The following ARSG variants were observed in gnomAD, a reference collection of about 807,000 sequenced individuals.
The protein encoded by ARSG is arylsulfatase G, also known as ASG.
A neutral mutation model predicts 50.5 loss-of-function variants in ARSG; 37 were observed. That is an observed-to-expected ratio of 0.73 (90% CI 0.56 to 0.96). The LOEUF (loss-of-function observed/expected upper bound fraction) is 0.96. ARSG is among the 50% of genes least tolerant of loss of function. The pLI, the probability that ARSG is intolerant of heterozygous loss-of-function variation, is 0.00. For missense variants in ARSG, 629 were observed against 675.3 expected, an observed-to-expected ratio of 0.93 and a Z score of 0.76; for synonymous variants, 225 against 254.6, an observed-to-expected ratio of 0.88 and a Z score of 1.11.
At chr17:68,438,884 G>A in the ARSG span, among the ~76,000 whole-genome samples, 1 of 152,360 alleles carries the variant, frequency 6.6e-6, no homozygotes, top group South Asian at 2.1e-4. Flanking sequence ...ACAGGCGTGA[G>A]CCATCGTGCC....
At chr17:68,346,711 G>A (rs1278471097) in intron 3 of ARSG, 12 of 1,229,994 alleles carry the variant, frequency 9.8e-6, no homozygotes, top group African/African-American at 3.1e-5. Flanking sequence ...GGCAGGAAGC[G>A]GGCATTTCTG....
At chr17:68,339,179 C>T (rs1362558250) in intron 2 of ARSG, among the ~76,000 whole-genome samples, 1 of 152,078 alleles carries the variant, frequency 6.6e-6, no homozygotes, top group African/African-American at 2.4e-5. Flanking sequence ...GTCCCAGCTA[C>T]AGCTCTCAGT....
chr17:68,349,369 C>T (rs1214374458), intron 4 of ARSG, among the ~76,000 whole-genome samples: 2 of 152,108 alleles, frequency 1.3e-5, no homozygotes, highest in East Asian at 1.9e-4. Context: ...GGTGTGTTTG[C>T]GCTACAATGG....
Position 68,399,391 on chromosome 17 carries a change from G to A in ARSG, c.1213-1969G>A, listed in dbSNP as rs749025698. Among the ~76,000 whole-genome samples, 2 of 152,102 alleles carry A rather than the reference G, an allele frequency of 1.3e-5. No individual in the cohort carries two copies. Among genetic ancestry groups the A allele is most frequent in the African/African-American group, 2.4e-5 (1 of 41,428 alleles). The stretch of plus-strand genomic sequence containing the variant: ...GGACTTAAGGTAAAGGAATGCTCTC[G>A]TGCTTAAAAAACAAAACAAGATAAA... On this transcript the variant is annotated intron_variant, in intron 10 of 11. Coordinates refer to ENST00000621439, the MANE Select transcript of ARSG (RefSeq NM_001267727.2). The surrounding 1 kb of genome is among the most constrained non-coding windows in gnomAD (Gnocchi z 4.6).
At chr17:68,372,831 C>G (rs1158524572) in intron 8 of ARSG, among the ~76,000 whole-genome samples, 3 of 149,118 alleles carry the variant, frequency 2.0e-5, no homozygotes, top group African/African-American at 7.4e-5. Flanking sequence ...TACCTAGAAA[C>G]TGAAGCATTG....
At chr17:68,303,956 A>T (rs2076514569) in intron 1 of ARSG, among the ~76,000 whole-genome samples, 1 of 152,236 alleles carries the variant, frequency 6.6e-6, no homozygotes, top group African/African-American at 2.4e-5. Flanking sequence ...CCATTCTATG[A>T]ACATTTTAAG....
downstream of ARSG, among the ~76,000 whole-genome samples, chr17:68,423,761 G>T (rs2082961633): frequency 6.6e-6 from 1 of 152,026 alleles, no homozygotes; most frequent in Admixed American, 6.6e-5. This position sits in a 1 kb window ranked among gnomAD's most constrained non-coding sequence, Gnocchi z 4.4. Context: ...TAAATGATCT[G>T]CACAAGGTAC....
At chr17:68,354,040 A>AC (rs397771600) in intron 5 of ARSG, among the ~76,000 whole-genome samples, 1 of 47,916 alleles carries the variant, frequency 2.1e-5, no homozygotes, top group Non-Finnish European at 4.8e-5. Context: ...TTTTTTTTTT[A>AC]TTTCAATCCT....
the ARSG span, chr17:68,428,199 A>G: frequency 3.4e-5 from 5 of 147,198 alleles, no homozygotes; most frequent in Non-Finnish European, 7.4e-5. Flanking sequence ...TGACTGGTAG[A>G]GCACTTTTCA....
chr17:68,428,545 T>C, the ARSG span: 1 of 273,578 alleles, frequency 3.7e-6, no homozygotes, highest in Non-Finnish European at 7.1e-6. Flanking sequence ...AGGGAATATT[T>C]TTGAACACCC....
In ARSG at chr17:68,271,213, A is replaced by G; in HGVS notation, c.-552+11787A>G. Reference sequence around the variant, plus strand: ...AATGCCCAGACTAATGCCCAGAGGAATGATGTACAAGGAAGGTGCAAAGAA... The same window carrying G: ...AATGCCCAGACTAATGCCCAGAGGAGTGATGTACAAGGAAGGTGCAAAGAA... On this transcript the variant is annotated intron_variant, in intron 1 of 11. Coordinates refer to the ARSG transcript ENST00000448504. This position sits in a 1 kb window ranked among gnomAD's most constrained non-coding sequence, Gnocchi z 5.3. 2 of 1,614,110 alleles carry G rather than the reference A, an allele frequency of 1.2e-6. No individual in the cohort carries two copies. Among genetic ancestry groups the G allele is most frequent in the Non-Finnish European group, 1.7e-6 (2 of 1,180,030 alleles).
chr17:68,432,314 A>T, the ARSG span, among the ~76,000 whole-genome samples: 1 of 152,176 alleles, frequency 6.6e-6, no homozygotes, highest in African/African-American at 2.4e-5. Flanking sequence ...GGCTTGCTTT[A>T]ATCACACATG....
At chr17:68,443,087 CT>C in the ARSG span, among the ~76,000 whole-genome samples, 19 of 152,078 alleles carry the variant, frequency 1.2e-4, no homozygotes, top group Admixed American at 3.3e-4. Context: ...TGGCTTTGTT[CT>C]TTTATTTATT....
chr17:68,298,050 A>G (rs1346123465), intron 1 of ARSG, among the ~76,000 whole-genome samples: 2 of 151,532 alleles, frequency 1.3e-5, no homozygotes, highest in Non-Finnish European at 2.9e-5. Flanking sequence ...ACTGAGACAC[A>G]AAGAGATTCT....
upstream of ARSG, among the ~76,000 whole-genome samples, chr17:68,288,688 C>T (rs911949628): frequency 2.0e-5 from 3 of 152,254 alleles, no homozygotes; most frequent in Non-Finnish European, 4.4e-5. Flanking sequence ...GTCTATACTT[C>T]TATGACAGCC....
At chr17:68,293,624 C>G (rs1555757130) in intron 1 of ARSG, among the ~76,000 whole-genome samples, 1 of 152,056 alleles carries the variant, frequency 6.6e-6, no homozygotes, top group African/African-American at 2.4e-5. Context: ...ACATGTAATG[C>G]AATGTTAACC....
the ARSG span, chr17:68,436,252 G>C: frequency 1.3e-6 from 1 of 789,628 alleles, no homozygotes; most frequent in Non-Finnish European, 2.1e-6. Flanking sequence ...ACCTTCTCTT[G>C]AACAACTCCC....
chr17:68,451,210 C>T, the ARSG span, among the ~76,000 whole-genome samples: 1 of 152,224 alleles, frequency 6.6e-6, no homozygotes, highest in African/African-American at 2.4e-5. Flanking sequence ...GCAGGAGAAT[C>T]ACTTGAGGCC....
intron 5 of ARSG, 91 bp downstream of exon 5, chr17:68,351,777 A>G: frequency 3.6e-6 from 3 of 843,716 alleles, no homozygotes. Flanking sequence ...AGATGCAGAC[A>G]GGAAACAGTT....
Sources: gnomAD v4.1 joint callset for allele counts (sites outside exome capture counted in the v4.1 genomes callset) on GRCh38, gnomAD v4.1.1 for gene constraint, Gnocchi (gnomAD v3.1) non-coding constraint, MANE v1.5 for transcripts, NCBI Gene and HGNC (gene_info 2026-07-23, HGNC 2026-07-21) for gene names.